Variants in SORCS1 observed in about 807,000 individuals in gnomAD.
The protein encoded by SORCS1 is sortilin related VPS10 domain containing receptor 1.
Under a neutral mutation model 146.1 loss-of-function variants are expected in SORCS1, and 60 were observed. The observed-to-expected ratio is 0.41, with a 90% CI of 0.33 to 0.51. The LOEUF (loss-of-function observed/expected upper bound fraction) is 0.51, where lower values mean the gene tolerates loss of function less well. Among genes scored for constraint, SORCS1 ranks in the 20% least tolerant of loss-of-function variants. SORCS1 has a pLI of 0.21. For missense variants in SORCS1, 1,352 were observed against 1,487.6 expected, an observed-to-expected ratio of 0.91 and a Z score of 1.50; for synonymous variants, 637 against 584.0, an observed-to-expected ratio of 1.09 and a Z score of -1.31.
chr10:107,103,546 G>A (rs1230834800), intron 1 of SORCS1, among the ~76,000 whole-genome samples: 1 of 152,172 alleles, frequency 6.6e-6, no homozygotes, highest in Non-Finnish European at 1.5e-5. Flanking sequence ...TTTAAATACT[G>A]TAGAGTGCCT....
At chr10:106,869,175 G>A (rs538256869) in intron 2 of SORCS1, among the ~76,000 whole-genome samples, 2 of 152,074 alleles carry the variant, frequency 1.3e-5, no homozygotes, top group African/African-American at 4.8e-5. Context: ...ACAATAACAA[G>A]CTCTGATATT....
intron 1 of SORCS1, among the ~76,000 whole-genome samples, chr10:107,142,969 C>T (rs993469868): frequency 2.0e-5 from 3 of 152,326 alleles, no homozygotes; most frequent in Admixed American, 2.0e-4. Context: ...ATATGTTATA[C>T]CTCCAGAAGC....
At chr10:106,813,212 A>C (rs1475213102) in intron 3 of SORCS1, among the ~76,000 whole-genome samples, 3 of 140,082 alleles carry the variant, frequency 2.1e-5, no homozygotes, top group Non-Finnish European at 4.5e-5. Context: ...GGCTCACTGC[A>C]ACCCCTGCCT....
At chr10:106,995,948 G>A (rs1956977945) in intron 1 of SORCS1, among the ~76,000 whole-genome samples, 1 of 152,074 alleles carries the variant, frequency 6.6e-6, no homozygotes, top group Non-Finnish European at 1.5e-5. Context: ...TAGAAATGAG[G>A]CCAGGTGCGG....
chr10:107,049,766 C>A (rs17279997), intron 1 of SORCS1, among the ~76,000 whole-genome samples: 24,184 of 151,932 alleles, frequency 0.16, 2,184 homozygotes, highest in South Asian at 0.2. Context: ...AAGTGGATGA[C>A]GGTATCAAAC....
At chr10:106,624,881 A>G (rs2133539983) in intron 19 of SORCS1, among the ~76,000 whole-genome samples, 1 of 152,308 alleles carries the variant, frequency 6.6e-6, no homozygotes, top group Non-Finnish European at 1.5e-5. Flanking sequence ...CTATTCTTTG[A>G]CCATCTCTGT....
At chr10:106,610,110 A>G (rs1846876883) in intron 22 of SORCS1, among the ~76,000 whole-genome samples, 1 of 152,182 alleles carries the variant, frequency 6.6e-6, no homozygotes, top group African/African-American at 2.4e-5. Context: ...TGTAACCACC[A>G]ATCATGTCAC....
chr10:106,854,025 T>C (rs921249295), intron 2 of SORCS1, among the ~76,000 whole-genome samples: 3 of 151,900 alleles, frequency 2.0e-5, no homozygotes, highest in Non-Finnish European at 4.4e-5. Context: ...GCCTACTAGA[T>C]CTGTTCATTT....
intron 10 of SORCS1, among the ~76,000 whole-genome samples, chr10:106,686,546 C>T (rs538750658): frequency 2.0e-5 from 3 of 152,232 alleles, no homozygotes; most frequent in East Asian, 3.9e-4. Flanking sequence ...AGGAAGGTGG[C>T]CCTGTTTTTT....
intron 2 of SORCS1, among the ~76,000 whole-genome samples, chr10:106,882,462 C>T (rs562542861): frequency 1.2e-4 from 18 of 152,246 alleles, no homozygotes; most frequent in African/African-American, 4.3e-4. Flanking sequence ...CATAGAGTCT[C>T]ATTTGCAATT....
intron 1 of SORCS1, among the ~76,000 whole-genome samples, chr10:107,111,103 C>T (rs1392458965): frequency 6.6e-6 from 1 of 152,186 alleles, no homozygotes; most frequent in Non-Finnish European, 1.5e-5. Flanking sequence ...TCTGTAAAGA[C>T]TAGAAGCGGT....
chr10:106,679,775 A>T (rs1338637986), intron 10 of SORCS1, 41 bp from the exon 11 acceptor site: 1 of 1,473,612 alleles, frequency 6.8e-7, no homozygotes, highest in South Asian at 1.2e-5. Flanking sequence ...TCACATAATC[A>T]AAATGGTCAT....
chr10:107,017,511 T>C (rs1957948597), intron 1 of SORCS1, among the ~76,000 whole-genome samples: 1 of 152,190 alleles, frequency 6.6e-6, no homozygotes, highest in African/African-American at 2.4e-5. Context: ...GAAAAGGCAA[T>C]GATGGGGTTC....
rs550819606 is a variant in SORCS1, at chr10:107,136,424, A to G, written c.558+27545T>C. ...GCCTACAACAAAAACACAATGCATC[A>G]TGTTCAGATTGCATAGCCATCAAAG... On this transcript the variant is annotated intron_variant, in intron 1 of 25. Coordinates refer to ENST00000263054, the MANE Select transcript of SORCS1 (RefSeq NM_052918.5). Among the ~76,000 whole-genome samples, 226 of 152,264 alleles carry G rather than the reference A, an allele frequency of 1.5e-3. 2 individuals carry two copies. The highest frequency in any genetic ancestry group is 5.2e-3 in the African/African-American group (214 of 41,552).
At chr10:106,834,965 G>C (rs12254446) in intron 2 of SORCS1, among the ~76,000 whole-genome samples, 1,814 of 152,278 alleles carry the variant, frequency 0.012, 22 homozygotes, top group African/African-American at 0.034. Context: ...ACTTTCTTCT[G>C]CTTTTGATCT....
At chr10:106,610,805 G>A (rs529559743) in intron 22 of SORCS1, among the ~76,000 whole-genome samples, 142 of 152,280 alleles carry the variant, frequency 9.3e-4, no homozygotes, top group African/African-American at 3.0e-3. Flanking sequence ...AGGGGCCGAC[G>A]CAGTGGCTCA....
Position 106,808,903 on chromosome 10 carries a change from A to G in SORCS1, c.726+20671T>C, listed in dbSNP as rs368706008. On this transcript the variant is annotated intron_variant, in intron 3 of 25. Coordinates refer to ENST00000263054, the MANE Select transcript of SORCS1 (RefSeq NM_052918.5). Reference sequence around the variant, plus strand: ...TCCCATTTAGAGATCTTTGTTCTCAATCTGAAACTCCCTCCACTCTAGAGG... The same window carrying G: ...TCCCATTTAGAGATCTTTGTTCTCAGTCTGAAACTCCCTCCACTCTAGAGG... 3.3e-5 allele frequency among the ~76,000 whole-genome samples: 5 copies of G among 152,170 alleles called. No homozygotes were observed. In the East Asian group the frequency reaches 7.7e-4, roughly 23 times the overall value.
intron 1 of SORCS1, among the ~76,000 whole-genome samples, chr10:107,156,709 T>G (rs915809612): frequency 2.0e-5 from 3 of 152,232 alleles, no homozygotes; most frequent in African/African-American, 7.2e-5. Flanking sequence ...TCCAAAATGT[T>G]GATTGACACT....
intron 1 of SORCS1, among the ~76,000 whole-genome samples, chr10:107,144,444 T>C (rs1218633125): frequency 6.6e-6 from 1 of 152,242 alleles, no homozygotes; most frequent in Non-Finnish European, 1.5e-5. Context: ...TACCCTTTCC[T>C]TCCTCCTGTA....
Sources: gnomAD v4.1 joint callset for allele counts (sites outside exome capture counted in the v4.1 genomes callset) on GRCh38, gnomAD v4.1.1 for gene constraint, MANE v1.5 for transcripts, NCBI Gene and HGNC (gene_info 2026-07-23, HGNC 2026-07-21) for gene names.